Variants in ATAD1 observed in about 807,000 individuals in gnomAD.
ATAD1 encodes the protein outer mitochondrial transmembrane helix translocase.
Under a neutral mutation model 42.7 loss-of-function variants are expected in ATAD1, and 18 were observed. The observed-to-expected ratio is 0.42, with a 90% CI of 0.29 to 0.63. The LOEUF (loss-of-function observed/expected upper bound fraction) is 0.63, where lower values mean the gene tolerates loss of function less well. ATAD1 is among the 20% of genes least tolerant of loss of function. The pLI is 0.19. For synonymous variants in ATAD1, 132 were observed against 143.1 expected, an observed-to-expected ratio of 0.92 and a Z score of 0.55; for missense variants, 294 against 440.4, an observed-to-expected ratio of 0.67 and a Z score of 2.98.
At position 87,754,701 on chromosome 10, in the gene ATAD1, CAT is replaced by C. The variant is rs751499706; in HGVS notation, c.1070_1071del (p.His357ArgfsTer15). 2.3e-5 allele frequency: 37 copies of C among 1,613,004 alleles called. No homozygotes were observed. The highest frequency in any genetic ancestry group is 4.5e-5 in the East Asian group (2 of 44,836). ...KDAAFQNVLT[H>X]VCLD ...GATCTTTACTCTTAATCTAAACAAA[CAT>C]GTGTTAAAACATTCTGAAATGCTGC... On this transcript the variant is annotated frameshift_variant, in exon 10 of 10. Coordinates refer to ENST00000680024, the MANE Select transcript of ATAD1 (RefSeq NM_001321967.2). LOFTEE classifies it high-confidence loss of function.
chr10:87,792,674 C>G lies in ATAD1; in HGVS notation c.244G>C (p.Asp82His). ...YEMSIAAHLV[D>H]PLNMHVTWSD... ...ATACATACATGCATATTAAGAGGGT[C>G]TACAAGATGAGCAGCAATACTCATT... is the stretch of plus-strand genomic sequence containing the variant. Residue 82 changes from aspartate to histidine, a missense_variant, in exon 3 of 10, where the codon GAC (aspartate) becomes CAC (histidine). By Grantham distance (81) the Asp-to-His change is moderately conservative. Coordinates refer to ENST00000680024, the MANE Select transcript of ATAD1 (RefSeq NM_001321967.2). 6.3e-7 allele frequency: 1 copy of G among 1,588,180 alleles called. No individual in the cohort carries two copies. The highest frequency in any genetic ancestry group is 8.6e-7 in the Non-Finnish European group (1 of 1,164,238).
At chr10:87,789,602 G>A (rs1417444753) in intron 4 of ATAD1, among the ~76,000 whole-genome samples, 1 of 152,084 alleles carries the variant, frequency 6.6e-6, no homozygotes, top group Non-Finnish European at 1.5e-5. Flanking sequence ...CATGCCTGTG[G>A]TCCCAGCTAC....
intron 3 of ATAD1, among the ~76,000 whole-genome samples, chr10:87,790,701 C>T (rs949364824): frequency 2.0e-5 from 3 of 152,082 alleles, no homozygotes; most frequent in African/African-American, 7.2e-5. Context: ...TAAATTCATT[C>T]CACTTGTAAG....
chr10:87,759,609 A>G (rs1415010249), intron 8 of ATAD1: 1 of 330,006 alleles, frequency 3.0e-6, no homozygotes, highest in Non-Finnish European at 6.0e-6. Context: ...AAGATGATAC[A>G]GTTAGAAAGA....
intron 1 of ATAD1, among the ~76,000 whole-genome samples, chr10:87,837,940 A>G (rs1449710462): frequency 6.6e-6 from 1 of 152,012 alleles, no homozygotes; most frequent in Non-Finnish European, 1.5e-5. Context: ...AAATTGGCAG[A>G]TTTCTCCCAC....
chr10:87,812,667 G>A (rs1857241178), intron 2 of ATAD1, among the ~76,000 whole-genome samples: 1 of 152,162 alleles, frequency 6.6e-6, no homozygotes, highest in Admixed American at 6.5e-5. Flanking sequence ...CATCCTGAGT[G>A]TTTTAAACAC....
chr10:87,801,377 A>G (rs1856684967), intron 2 of ATAD1, among the ~76,000 whole-genome samples: 1 of 152,184 alleles, frequency 6.6e-6, no homozygotes, highest in South Asian at 2.1e-4. Context: ...GGTTCCCTAT[A>G]AAGTTCAAAA....
At chr10:87,837,286 T>A (rs1161356249) in intron 1 of ATAD1, among the ~76,000 whole-genome samples, 1 of 152,224 alleles carries the variant, frequency 6.6e-6, no homozygotes, top group Non-Finnish European at 1.5e-5. Flanking sequence ...ACTGATATTT[T>A]TGTTTTGGTG....
At chr10:87,765,564 G>A (rs922725202) in intron 8 of ATAD1, among the ~76,000 whole-genome samples, 3 of 151,874 alleles carry the variant, frequency 2.0e-5, no homozygotes, top group Non-Finnish European at 2.9e-5. Context: ...CATACAAAGG[G>A]CAAATCTCCA....
chr10:87,756,971 TA>T, intron 8 of ATAD1, 49 bp from the exon 9 acceptor site: 2 of 1,444,864 alleles, frequency 1.4e-6, no homozygotes, highest in South Asian at 1.5e-5. Flanking sequence ...AAATATATTG[TA>T]AATGATACTA....
intron 5 of ATAD1, among the ~76,000 whole-genome samples, chr10:87,777,239 A>AC (rs1855346610): frequency 1.3e-5 from 2 of 151,610 alleles, no homozygotes; most frequent in Admixed American, 1.3e-4. Flanking sequence ...GCTCTTAGTT[A>AC]TGTTGCATAC....
chr10:87,757,548 T>A (rs577923153), intron 8 of ATAD1, among the ~76,000 whole-genome samples: 32 of 152,262 alleles, frequency 2.1e-4, no homozygotes, highest in Middle Eastern at 3.4e-3. Flanking sequence ...GTAAGCACTT[T>A]GCATGTATTA....
intron 8 of ATAD1, chr10:87,759,616 A>G: frequency 3.0e-6 from 1 of 336,882 alleles, no homozygotes; most frequent in South Asian, 2.5e-5. Flanking sequence ...TACAGTTAGA[A>G]AGATGAACCA....
intron 2 of ATAD1, among the ~76,000 whole-genome samples, chr10:87,799,966 G>T (rs1235564171): frequency 6.6e-6 from 1 of 151,356 alleles, no homozygotes; most frequent in Non-Finnish European, 1.5e-5. Context: ...TAATGAGAAA[G>T]ACTCTTATAT....
chr10:87,757,054 C>A, intron 8 of ATAD1, 132 bp from the exon 9 acceptor site: 1 of 657,214 alleles, frequency 1.5e-6, no homozygotes, highest in East Asian at 3.3e-5. Context: ...TTTCTAGAAG[C>A]TTTTTTTAAC....
chr10:87,814,636 C>T (rs750210822), intron 1 of ATAD1, 24 bp from the exon 2 acceptor site: 1 of 1,554,124 alleles, frequency 6.4e-7, no homozygotes, highest in South Asian at 1.2e-5. Context: ...ACAGAAATGT[C>T]ACTAGGTAAT....
chr10:87,783,380 AC>A (rs376421491), intron 5 of ATAD1, among the ~76,000 whole-genome samples: 36 of 151,186 alleles, frequency 2.4e-4, no homozygotes, highest in Admixed American at 5.3e-4. Flanking sequence ...TTAAAAAAAA[AC>A]AAAAACAAAA....
chr10:87,783,381 C>A (rs12773218), intron 5 of ATAD1, among the ~76,000 whole-genome samples: 43,861 of 150,510 alleles, frequency 0.29, 6,566 homozygotes, highest in Non-Finnish European at 0.31. Flanking sequence ...TAAAAAAAAA[C>A]AAAAACAAAA....
chr10:87,810,161 T>C (rs1439882698), intron 2 of ATAD1, among the ~76,000 whole-genome samples: 1 of 152,186 alleles, frequency 6.6e-6, no homozygotes, highest in East Asian at 1.9e-4. Context: ...TGCTTTCTTT[T>C]ACCCAGGAGT....
Sources: allele counts gnomAD v4.1 joint callset (sites outside exome capture counted in the v4.1 genomes callset), GRCh38; gene constraint gnomAD v4.1.1; transcripts MANE v1.5; gene names NCBI Gene and HGNC (gene_info 2026-07-23, HGNC 2026-07-21).